Variants in MAST4 observed in about 807,000 individuals in gnomAD.
The protein encoded by MAST4 is microtubule associated serine/threonine kinase family member 4.
In MAST4, 89 loss-of-function variants were observed where a neutral mutation model predicts 162.7. The ratio of observed to expected loss-of-function variants is 0.55; its 90% CI spans 0.46 to 0.65. The LOEUF (loss-of-function observed/expected upper bound fraction) is 0.65. MAST4 is among the 30% of genes least tolerant of loss of function. The probability of loss-of-function intolerance (pLI) is 0.00; values close to 1 mark genes in which losing one functional copy is unlikely to be tolerated. For missense variants in MAST4, 3,153 were observed against 3,374.0 expected (o/e 0.93, Z 1.62); for synonymous variants, 1,479 against 1,361.1 (o/e 1.09, Z -1.91).
At chr5:66,648,083 T>TGAGAGAGAGA (rs375744842) in intron 1 of MAST4, among the ~76,000 whole-genome samples, 12 of 87,168 alleles carry the variant, frequency 1.4e-4, no homozygotes, top group African/African-American at 5.2e-4. Context: ...TGTGTGTGTG[T>TGAGAGAGAGA]GAGAGAGAGA....
At position 67,114,142 on chromosome 5, in the gene MAST4, A is replaced by G. The variant is rs1180981620; in HGVS notation, c.1514A>G (p.Lys505Arg). The part of the protein sequence containing the change: ...YLLEAAEGHA[K>R]EGQGIKTDIP... The stretch of plus-strand genomic sequence containing the variant: ...TTGGAAGCAGCAGAAGGCCATGCCA[A>G]AGAAGGACAGGGTATTAAAACCGAC... The change falls in exon 12 of 29, where the codon AAA becomes AGA. Residue 505 changes from lysine to arginine, a missense_variant. Coordinates refer to ENST00000403625, the MANE Select transcript of MAST4 (RefSeq NM_001164664.2). 5.0e-6 allele frequency: 8 copies of G among 1,613,538 alleles called. No homozygotes were observed. Among genetic ancestry groups the G allele is most frequent in the Non-Finnish European group, 5.9e-6 (7 of 1,179,760 alleles).
At chr5:66,834,069 T>C (rs1390499011) in intron 3 of MAST4, among the ~76,000 whole-genome samples, 1 of 152,232 alleles carries the variant, frequency 6.6e-6, no homozygotes, top group African/African-American at 2.4e-5. Flanking sequence ...CTGTCACCAC[T>C]AAGACTTGCA....
At chr5:67,015,238 A>G (rs571118480) in intron 4 of MAST4, among the ~76,000 whole-genome samples, 4 of 152,322 alleles carry the variant, frequency 2.6e-5, no homozygotes, top group Admixed American at 6.5e-5. Flanking sequence ...GAAAGATTAT[A>G]GTCCTCGTTT....
At chr5:66,794,858 C>T (rs1319983333) in intron 3 of MAST4, among the ~76,000 whole-genome samples, 3 of 152,116 alleles carry the variant, frequency 2.0e-5, no homozygotes, top group Non-Finnish European at 4.4e-5. Context: ...TAAAACCAAA[C>T]TATTTAAACT....
chr5:67,009,273 A>G (rs1036425683), intron 4 of MAST4, among the ~76,000 whole-genome samples: 30 of 152,328 alleles, frequency 2.0e-4, no homozygotes, highest in African/African-American at 6.3e-4. Context: ...AAAGGTTTTG[A>G]AAGATATTTG....
At chr5:66,900,635 G>A (rs747185975) in intron 4 of MAST4, among the ~76,000 whole-genome samples, 6 of 152,038 alleles carry the variant, frequency 3.9e-5, no homozygotes, top group Non-Finnish European at 5.9e-5. Context: ...TTATCCAATA[G>A]TACTGTGTAA....
At chr5:66,877,916 C>T (rs1024356348) in intron 3 of MAST4, among the ~76,000 whole-genome samples, 5 of 152,182 alleles carry the variant, frequency 3.3e-5, no homozygotes, top group Non-Finnish European at 7.3e-5. Context: ...TCTGAAATTG[C>T]TAGAGGTATC....
At chr5:66,705,385 C>A (rs187596545) in intron 1 of MAST4, among the ~76,000 whole-genome samples, 1 of 152,038 alleles carries the variant, frequency 6.6e-6, no homozygotes, top group Non-Finnish European at 1.5e-5. Flanking sequence ...TGTTTCTAAT[C>A]GCTGCTGCAT....
chr5:67,050,240 G>C (rs540885618), intron 4 of MAST4, among the ~76,000 whole-genome samples: 1 of 152,128 alleles, frequency 6.6e-6, no homozygotes. Context: ...AACTGTTTTC[G>C]CGATGGTAAT....
At chr5:66,896,986 G>A (rs767695384) in intron 3 of MAST4, among the ~76,000 whole-genome samples, 1 of 152,004 alleles carries the variant, frequency 6.6e-6, no homozygotes, top group South Asian at 2.1e-4. Flanking sequence ...TAAAAGTCTG[G>A]GGGGAGGATA....
At chr5:66,770,621 A>G (rs1376911773) in intron 2 of MAST4, among the ~76,000 whole-genome samples, 1 of 152,210 alleles carries the variant, frequency 6.6e-6, no homozygotes, top group East Asian at 1.9e-4. Flanking sequence ...CAGTGACAAG[A>G]CAGGCATGAG....
chr5:66,917,944 A>G (rs1764228002), intron 4 of MAST4, among the ~76,000 whole-genome samples: 1 of 152,160 alleles, frequency 6.6e-6, no homozygotes, highest in Non-Finnish European at 1.5e-5. Context: ...TTTTAAAATG[A>G]AAGGTAATAT....
At chr5:66,751,719 T>C (rs912017591) in intron 1 of MAST4, among the ~76,000 whole-genome samples, 4 of 150,646 alleles carry the variant, frequency 2.7e-5, no homozygotes, top group Non-Finnish European at 4.4e-5. Context: ...GAAAACACTC[T>C]GCAGGATATT....
chr5:67,090,069 A>C (rs1763660021), intron 5 of MAST4, 93 bp from the exon 6 acceptor site: 1 of 943,870 alleles, frequency 1.1e-6, no homozygotes. Flanking sequence ...TTCTACAGAA[A>C]TGTAAATAAA....
chr5:66,981,908 C>A (rs950816322), intron 4 of MAST4, among the ~76,000 whole-genome samples: 1 of 152,168 alleles, frequency 6.6e-6, no homozygotes, highest in Non-Finnish European at 1.5e-5. Context: ...ACTCTTGATT[C>A]TCATAAAAAC....
intron 4 of MAST4, among the ~76,000 whole-genome samples, chr5:66,927,313 T>C (rs1764975138): frequency 6.6e-6 from 1 of 152,220 alleles, no homozygotes; most frequent in Non-Finnish European, 1.5e-5. Flanking sequence ...AGATATGTAA[T>C]TATTTACTTG....
At chr5:67,023,346 C>G (rs73766137) in intron 4 of MAST4, among the ~76,000 whole-genome samples, 3 of 152,260 alleles carry the variant, frequency 2.0e-5, no homozygotes, top group African/African-American at 7.2e-5. Context: ...TTCTAGCAAT[C>G]TAGAGTCTGT....
intron 21 of MAST4, 51 bp downstream of exon 21, chr5:67,142,584 G>A (rs1581703716): frequency 2.3e-5 from 29 of 1,242,638 alleles, no homozygotes; most frequent in Admixed American, 4.0e-5. Flanking sequence ...AGGATCTCCC[G>A]CTGGCCAGAT....
At chr5:66,783,998 T>C (rs928566226) in intron 2 of MAST4, among the ~76,000 whole-genome samples, 1 of 152,124 alleles carries the variant, frequency 6.6e-6, no homozygotes, top group African/African-American at 2.4e-5. Flanking sequence ...CTGGGAGTTA[T>C]GCCTGCTTTG....
Sources: allele counts gnomAD v4.1 joint callset (sites outside exome capture counted in the v4.1 genomes callset), GRCh38; gene constraint gnomAD v4.1.1; transcripts MANE v1.5; gene names NCBI Gene and HGNC (gene_info 2026-07-23, HGNC 2026-07-21).